STIM2: variants seen among roughly 807,000 people sequenced by gnomAD.
The protein encoded by STIM2 is stromal interaction molecule 2.
A neutral mutation model predicts 85.8 loss-of-function variants in STIM2; 31 were observed. That is an observed-to-expected ratio of 0.36 (90% confidence interval 0.27 to 0.49). The LOEUF is 0.49. Ranked by LOEUF, STIM2 falls within the 20% of genes least tolerant of loss-of-function variation. The pLI, the probability that STIM2 is intolerant of heterozygous loss-of-function variation, is 0.98. For missense variants in STIM2, 841 were observed against 927.6 expected (o/e 0.91, Z 1.21); for synonymous variants, 356 against 331.1 (o/e 1.08, Z -0.82).
intron 3 of STIM2, among the ~76,000 whole-genome samples, chr4:26,961,009 C>T (rs1350996487): frequency 3.5e-5 from 5 of 143,014 alleles, no homozygotes; most frequent in East Asian, 2.1e-4. Flanking sequence ...TACTGCACTC[C>T]GTCTCAAAAA....
intron 1 of STIM2, among the ~76,000 whole-genome samples, chr4:26,912,503 T>A (rs1724382617): frequency 6.6e-6 from 1 of 152,192 alleles, no homozygotes; most frequent in East Asian, 1.9e-4. Flanking sequence ...GTATAGAATA[T>A]GCCATATTTA....
At chr4:26,976,191 C>A (rs1259024920) in intron 3 of STIM2, among the ~76,000 whole-genome samples, 3 of 152,114 alleles carry the variant, frequency 2.0e-5, no homozygotes, top group African/African-American at 7.2e-5. Context: ...TCCCCCGACC[C>A]CTTGCACTTC....
rs370119727 is a variant in STIM2, at chr4:26,943,011, G to GT, written c.283-14595dup. On this transcript the variant is annotated intron_variant, in intron 2 of 11. Coordinates refer to ENST00000467087, the MANE Select transcript of STIM2 (RefSeq NM_020860.4). ...CTCAAATCTCTTCTCTCTTGTCTTT[G>GT]TTTTTTACAATGGAGTTGCTGTTTA... Among the ~76,000 whole-genome samples, 604 of 152,078 alleles carry GT rather than the reference G, an allele frequency of 4.0e-3. 6 individuals carry two copies. Among genetic ancestry groups the GT allele is most frequent in the African/African-American group, 0.014 (571 of 41,498 alleles).
chr4:26,876,465 CT>C (rs1722819642), intron 1 of STIM2, among the ~76,000 whole-genome samples: 1 of 152,168 alleles, frequency 6.6e-6, no homozygotes, highest in Non-Finnish European at 1.5e-5. Context: ...TTGCTTTACT[CT>C]TATCAATCTC....
At chr4:26,911,864 G>A (rs915583463) in intron 1 of STIM2, among the ~76,000 whole-genome samples, 1 of 152,080 alleles carries the variant, frequency 6.6e-6, no homozygotes, top group Non-Finnish European at 1.5e-5. Context: ...TGGAGAAATA[G>A]CCATTAATCC....
Position 27,025,056 on chromosome 4 carries a change from A to G in STIM2, c.*2060A>G, listed in dbSNP as rs895066908. On this transcript the variant is annotated 3_prime_UTR_variant, in exon 12 of 12. Coordinates refer to ENST00000467087, the MANE Select transcript of STIM2 (RefSeq NM_020860.4). ...CTGCTTAGAGTGGAGGAGGCTGGCC[A>G]AAGAGACTGTGGGCTGTTTTCAGTC... The G allele has an allele frequency of 2.6e-4, 40 of 152,180 alleles. No homozygotes were observed. The highest frequency in any genetic ancestry group is 9.7e-4 in the African/African-American group (40 of 41,434). The allele number at this position is 152,180 out of a possible 1,614,324, so 9.4% of individuals were successfully genotyped here.
chr4:27,001,382 T>C (rs1050780361), intron 5 of STIM2, among the ~76,000 whole-genome samples: 2 of 152,194 alleles, frequency 1.3e-5, no homozygotes, highest in Non-Finnish European at 2.9e-5. Flanking sequence ...CTCCTCACTC[T>C]TTGTTTTAGA....
chr4:26,863,430 C>T (rs1054669051), intron 1 of STIM2, among the ~76,000 whole-genome samples: 15 of 152,054 alleles, frequency 9.9e-5, no homozygotes, highest in Non-Finnish European at 5.9e-5. Flanking sequence ...CAGTCAATAG[C>T]ACCCATATCT....
intron 3 of STIM2, among the ~76,000 whole-genome samples, chr4:26,960,411 CAT>C (rs960322345): frequency 7.2e-5 from 11 of 152,124 alleles, no homozygotes; most frequent in African/African-American, 1.7e-4. Context: ...CACACACACA[CAT>C]ACATACACAT....
chr4:26,919,384 G>A, intron 1 of STIM2, 120 bp from the exon 2 acceptor site: 1 of 1,285,220 alleles, frequency 7.8e-7, no homozygotes, highest in Non-Finnish European at 1.1e-6. Flanking sequence ...ACGTTTTAAA[G>A]TCTCTTAGTT....
chr4:26,905,382 T>C (rs1466102928), intron 1 of STIM2, among the ~76,000 whole-genome samples: 2 of 152,074 alleles, frequency 1.3e-5, no homozygotes, highest in African/African-American at 4.8e-5. Context: ...TGGGTTAAGC[T>C]GTGAAAGGAA....
At position 27,007,730 on chromosome 4, in the gene STIM2, A is replaced by T. The variant is rs534680602; in HGVS notation, c.1149+30A>T. On this transcript the variant is annotated intron_variant, in intron 8 of 11. Transcript: ENST00000467087. ...TCTCTTGTATTTCAAAATTTACTAAATTTGTTTCTTAGGCTGCATTCTTAG... is the reference window on the plus strand; with the variant it reads ...TCTCTTGTATTTCAAAATTTACTAATTTTGTTTCTTAGGCTGCATTCTTAG... The T allele has an allele frequency of 8.2e-4, 1,248 of 1,516,486 alleles. 2 individuals are homozygous for T. The highest frequency in any genetic ancestry group is 1.0e-3 in the Non-Finnish European group (1,147 of 1,133,228). 93.9% of individuals were successfully genotyped at this position (1,516,486 alleles called of 1,614,324 possible). A position where few individuals can be genotyped will look rare whatever the true frequency, so the allele number is the denominator to read the frequency against.
intron 2 of STIM2, among the ~76,000 whole-genome samples, chr4:26,936,338 T>C (rs1036050295): frequency 6.6e-6 from 1 of 152,230 alleles, no homozygotes; most frequent in Non-Finnish European, 1.5e-5. Flanking sequence ...GTTATCTTTT[T>C]GTTTATGACA....
intron 3 of STIM2, among the ~76,000 whole-genome samples, chr4:26,993,175 A>G (rs150648045): frequency 2.9e-3 from 438 of 152,244 alleles, no homozygotes; most frequent in African/African-American, 0.01. Context: ...GCAATTCTCA[A>G]TGCAGTTCAT....
intron 1 of STIM2, among the ~76,000 whole-genome samples, chr4:26,867,237 T>A (rs938303365): frequency 5.9e-5 from 9 of 152,210 alleles, no homozygotes; most frequent in Non-Finnish European, 7.3e-5. Flanking sequence ...ATTTATAGAA[T>A]GATTTAAATT....
intron 1 of STIM2, among the ~76,000 whole-genome samples, chr4:26,892,088 C>T (rs1195502080): frequency 1.3e-5 from 2 of 152,182 alleles, no homozygotes; most frequent in Non-Finnish European, 2.9e-5. Context: ...ACTTGCTCCT[C>T]CTTACCTTCT....
chr4:26,933,782 T>C (rs1375368407), intron 2 of STIM2, among the ~76,000 whole-genome samples: 5 of 150,230 alleles, frequency 3.3e-5, no homozygotes, highest in Non-Finnish European at 5.9e-5. Flanking sequence ...TTTGAGTATG[T>C]GCTTCCTGAT....
At chr4:26,927,675 TATAATAAAAAAAAAAAA>T in intron 2 of STIM2, among the ~76,000 whole-genome samples, 1 of 15,958 alleles carries the variant, frequency 6.3e-5, no homozygotes, top group African/African-American at 2.8e-4. Flanking sequence ...AAACTTAGAG[TATAATAAAAAAAAAAAA>T]AAAAAAAAAA....
intron 3 of STIM2, among the ~76,000 whole-genome samples, chr4:26,968,436 G>A (rs774532067): frequency 1.8e-4 from 28 of 152,080 alleles, no homozygotes; most frequent in Non-Finnish European, 3.5e-4. Flanking sequence ...AAAATATTGC[G>A]GGATTCTACT....
Sources: allele counts gnomAD v4.1 joint callset (sites outside exome capture counted in the v4.1 genomes callset), GRCh38; gene constraint gnomAD v4.1.1; transcripts MANE v1.5; gene names NCBI Gene and HGNC (gene_info 2026-07-23, HGNC 2026-07-21).